The following YEATS2 variants were observed in gnomAD, a reference collection of about 807,000 sequenced individuals.
YEATS2 encodes the protein YEATS domain-containing protein 2.
A neutral mutation model predicts 163.2 loss-of-function variants in YEATS2; 77 were observed. The ratio of observed to expected loss-of-function variants is 0.47; its 90% CI spans 0.39 to 0.57. The LOEUF is 0.57. Among genes scored for constraint, YEATS2 ranks in the 20% least tolerant of loss-of-function variants. The probability of loss-of-function intolerance (pLI) is 0.00; values close to 1 mark genes in which losing one functional copy is unlikely to be tolerated. For missense variants in YEATS2, 1,549 were observed against 1,729.8 expected, an observed-to-expected ratio of 0.90 and a Z score of 1.85; for synonymous variants, 631 against 645.1, an observed-to-expected ratio of 0.98 and a Z score of 0.33.
chr3:183,752,330 T>G, intron 10 of YEATS2, 77 bp downstream of exon 10: 1 of 1,545,404 alleles, frequency 6.5e-7, no homozygotes. Flanking sequence ...AGACCTATAG[T>G]ATATGGAAAA....
chr3:183,738,391 C>CTTTTTTTTTTTTTTTTTTTTT (rs1173865612), intron 8 of YEATS2, among the ~76,000 whole-genome samples: 1 of 74,048 alleles, frequency 1.4e-5, no homozygotes, highest in African/African-American at 4.5e-5. Context: ...AGGAAAAGTT[C>CTTTTTTTTTTTTTTTTTTTTT]TTTTTTTTTT....
intron 14 of YEATS2, 102 bp downstream of exon 14, chr3:183,761,716 C>T (rs1721371602): frequency 9.5e-7 from 1 of 1,050,684 alleles, no homozygotes; most frequent in Admixed American, 1.9e-5. Flanking sequence ...TTTAGTGGGT[C>T]TCAACTCCTC....
chr3:183,774,213 AC>A (rs1452318717), intron 17 of YEATS2, among the ~76,000 whole-genome samples: 1 of 152,084 alleles, frequency 6.6e-6, no homozygotes, highest in Non-Finnish European at 1.5e-5. Flanking sequence ...GGGGTCCCCA[AC>A]CCCTGGGCCG....
chr3:183,787,220 G>T (rs1343025266), intron 20 of YEATS2, among the ~76,000 whole-genome samples: 3 of 152,182 alleles, frequency 2.0e-5, no homozygotes, highest in Non-Finnish European at 2.9e-5. Flanking sequence ...CCAAAGTGCT[G>T]GGATTACAGG....
chr3:183,706,495 C>T (rs927250768), intron 1 of YEATS2, among the ~76,000 whole-genome samples: 3 of 152,090 alleles, frequency 2.0e-5, no homozygotes, highest in Admixed American at 6.6e-5. Flanking sequence ...ACAGATTTTG[C>T]GTGTACAGTT....
At chr3:183,713,778 A>G (rs984331452) in intron 1 of YEATS2, among the ~76,000 whole-genome samples, 3 of 152,330 alleles carry the variant, frequency 2.0e-5, no homozygotes, top group African/African-American at 4.8e-5. Context: ...ACACTGAACA[A>G]TGTAGTTGCT....
At chr3:183,807,425 G>A in intron 28 of YEATS2, 1 of 318,862 alleles carries the variant, frequency 3.1e-6, no homozygotes. Context: ...CTCAGTAGAA[G>A]CACCTTTCCC....
At position 183,780,860 on chromosome 3, in the gene YEATS2, G is replaced by A. The variant is rs528362073; in HGVS notation, c.2736+3160G>A. The stretch of plus-strand genomic sequence containing the variant: ...GAATACACATTTTGCTTGTATATCT[G>A]TGGAACATTAACAAATTGATTATAT... On this transcript the variant is annotated intron_variant, in intron 19 of 30. Coordinates refer to ENST00000305135, the MANE Select transcript of YEATS2 (RefSeq NM_018023.5). Among the ~76,000 whole-genome samples, 22 of 152,274 alleles carry A rather than the reference G, an allele frequency of 1.4e-4. No homozygotes were observed. The South Asian group carries it at 1.7e-3, about 11-fold the overall frequency.
At position 183,810,455 on chromosome 3, in the gene YEATS2, C is replaced by G. The variant is rs1726695159; in HGVS notation, c.4161-20C>G. On this transcript the variant is annotated intron_variant, in intron 30 of 30. Transcript: ENST00000305135. ...CGTGAGAGAATTTCACCTGGTAACACCCTTTGTTTTTTGGACCAGGATTCC... is the reference window on the plus strand; with the variant it reads ...CGTGAGAGAATTTCACCTGGTAACAGCCTTTGTTTTTTGGACCAGGATTCC... 1 of 1,596,182 alleles carries G rather than the reference C, an allele frequency of 6.3e-7. No individual in the cohort carries two copies. Among genetic ancestry groups the G allele is most frequent in the Non-Finnish European group, 8.6e-7 (1 of 1,164,258 alleles).
intron 21 of YEATS2, among the ~76,000 whole-genome samples, chr3:183,797,091 A>G (rs1207016958): frequency 2.0e-5 from 3 of 151,842 alleles, no homozygotes; most frequent in African/African-American, 7.3e-5. Flanking sequence ...CAACATGGCG[A>G]AACACTGTCT....
At position 183,721,880 on chromosome 3, in the gene YEATS2, A is replaced by AT. The variant is rs1485018848; in HGVS notation, c.292-5dup. On this transcript the variant is annotated splice_polypyrimidine_tract_variant and intron_variant, in intron 4 of 30. Transcript: ENST00000305135. ...ATTAAAAATTTATTTGCTTGCTTTC[A>AT]TTTTTTGTAGGGATCAAAGACATGT... 1.9e-6 allele frequency: 3 copies of AT among 1,605,684 alleles called. No homozygotes were observed. The highest frequency in any genetic ancestry group is 1.7e-5 in the Admixed American group (1 of 58,242).
In YEATS2 at chr3:183,718,490, T is replaced by G. The variant is rs201906291; in HGVS notation, c.199-10T>G. ...GTTTTTTAAAGTAATGAGTTAACAT[T>G]TGTTTTTAGCGACTGATTGAAGCAA... On this transcript the variant is annotated splice_polypyrimidine_tract_variant and intron_variant, in intron 3 of 30. Coordinates refer to ENST00000305135, the MANE Select transcript of YEATS2 (RefSeq NM_018023.5). The G allele has an allele frequency of 9.9e-6, 16 of 1,608,556 alleles. No individual in the cohort carries two copies. The highest frequency in any genetic ancestry group is 1.2e-5 in the Non-Finnish European group (14 of 1,177,902).
chr3:183,744,279 A>G (rs1032597515), intron 8 of YEATS2, among the ~76,000 whole-genome samples: 1 of 150,214 alleles, frequency 6.7e-6, no homozygotes, highest in Non-Finnish European at 1.5e-5. Flanking sequence ...CGCACGGCTA[A>G]TTTTTTTTTG....
intron 13 of YEATS2, 42 bp from the exon 14 acceptor site, chr3:183,761,465 C>T (rs1321218512): frequency 1.3e-6 from 2 of 1,510,046 alleles, no homozygotes; most frequent in Admixed American, 1.7e-5. Flanking sequence ...CTGAAATCAC[C>T]CATTTCTCCT....
intron 7 of YEATS2, among the ~76,000 whole-genome samples, chr3:183,732,491 A>G (rs2109132045): frequency 6.6e-6 from 1 of 152,072 alleles, no homozygotes; most frequent in African/African-American, 2.4e-5. Flanking sequence ...AAATATCCCC[A>G]GGGTCTATCA....
intron 18 of YEATS2, among the ~76,000 whole-genome samples, chr3:183,777,169 G>A (rs76806152): frequency 6.6e-6 from 1 of 152,124 alleles, no homozygotes; most frequent in Non-Finnish European, 1.5e-5. Flanking sequence ...TTTCCTCCTC[G>A]TCTCCTCTTG....
At chr3:183,712,363 C>T (rs1715363013) in intron 1 of YEATS2, among the ~76,000 whole-genome samples, 1 of 151,574 alleles carries the variant, frequency 6.6e-6, no homozygotes, top group South Asian at 2.1e-4. Flanking sequence ...CATGAGCCAC[C>T]ATGCCCAGCT....
chr3:183,719,479 A>C (rs1716269839), intron 4 of YEATS2, among the ~76,000 whole-genome samples: 1 of 152,202 alleles, frequency 6.6e-6, no homozygotes, highest in African/African-American at 2.4e-5. Flanking sequence ...TGTTAGCATT[A>C]TGCTAGGCTT....
chr3:183,805,319 G>A (rs1042336552), intron 27 of YEATS2, among the ~76,000 whole-genome samples: 10 of 151,818 alleles, frequency 6.6e-5, no homozygotes, highest in African/African-American at 2.4e-4. Context: ...GGGATCACTT[G>A]AGCCCGGGAG....
Sources: allele counts gnomAD v4.1 joint callset (sites outside exome capture counted in the v4.1 genomes callset), GRCh38; gene constraint gnomAD v4.1.1; transcripts MANE v1.5; gene names NCBI Gene and HGNC (gene_info 2026-07-23, HGNC 2026-07-21).